Variants in TCF4 observed in about 807,000 individuals in gnomAD.
TCF4 encodes the protein transcription factor 4, also known as SL3-3 enhancer factor 2.
In TCF4, 3 loss-of-function variants were observed where a neutral mutation model predicts 82.1. That is an observed-to-expected ratio of 0.04 (90% CI 0.02 to 0.09). The LOEUF (loss-of-function observed/expected upper bound fraction) is 0.09, where lower values mean the gene tolerates loss of function less well. TCF4 is among the 10% of genes least tolerant of loss of function. The probability of loss-of-function intolerance (pLI) is 1.00; values close to 1 mark genes in which losing one functional copy is unlikely to be tolerated. For synonymous variants in TCF4, 276 were observed against 309.6 expected (o/e 0.89, Z 1.14); for missense variants, 518 against 852.7 (o/e 0.61, Z 4.89).
intron 2 of TCF4, among the ~76,000 whole-genome samples, chr18:55,627,281 A>G (rs2097727367): frequency 6.6e-6 from 1 of 152,146 alleles, no homozygotes; most frequent in African/African-American, 2.4e-5. Flanking sequence ...TGAGTGCTAG[A>G]TATTGTGTGG....
intron 5 of TCF4, among the ~76,000 whole-genome samples, chr18:55,412,203 TC>T (rs2094374433): frequency 1.3e-5 from 2 of 152,110 alleles, no homozygotes; most frequent in Admixed American, 1.3e-4. Flanking sequence ...CTACTAGCAC[TC>T]ACCTATTTAC....
In TCF4 at chr18:55,323,190, C is replaced by T. The variant is rs1288747390; in HGVS notation, c.549+27169G>A. ...GGGAGAGGAGATGGGCTGACTTGAGCTTGCCAAATTCAGAGCATCACAGGA... is the reference window on the plus strand; with the variant it reads ...GGGAGAGGAGATGGGCTGACTTGAGTTTGCCAAATTCAGAGCATCACAGGA... On this transcript the variant is annotated intron_variant, in intron 8 of 19. Coordinates refer to ENST00000354452, the MANE Select transcript of TCF4 (RefSeq NM_001083962.2). Among the ~76,000 whole-genome samples the T allele has an allele frequency of 2.0e-5, 3 of 152,202 alleles. No homozygotes were observed. In the East Asian group the frequency reaches 5.8e-4, roughly 29 times the overall value.
chr18:55,533,813 GTTC>G (rs890227508), intron 3 of TCF4, among the ~76,000 whole-genome samples: 5 of 152,060 alleles, frequency 3.3e-5, no homozygotes, highest in Non-Finnish European at 5.9e-5. Flanking sequence ...ATGTTTCTGT[GTTC>G]TTCTTCCCTG....
chr18:55,482,440 T>C (rs937454954), intron 3 of TCF4, among the ~76,000 whole-genome samples: 2 of 152,198 alleles, frequency 1.3e-5, no homozygotes, highest in Non-Finnish European at 2.9e-5. Context: ...CCACCAGGGA[T>C]GTAGTGATCC....
In TCF4 at chr18:55,275,149, G is replaced by A. The variant is rs138464538; in HGVS notation, c.789+470C>T. On this transcript the variant is annotated intron_variant, in intron 10 of 19. Coordinates refer to ENST00000354452, the MANE Select transcript of TCF4 (RefSeq NM_001083962.2). ...CAGAAAATACAAACTCCTTCTTTTG[G>A]ATACATCACAACAGGCCAAAGCTGA... Among the ~76,000 whole-genome samples, 10 of 151,966 alleles carry A rather than the reference G, an allele frequency of 6.6e-5. 1 individual carries two copies. Among genetic ancestry groups the A allele is most frequent in the African/African-American group, 1.4e-4 (6 of 41,476 alleles).
At chr18:55,333,329 T>A (rs1347974024) in intron 8 of TCF4, among the ~76,000 whole-genome samples, 3 of 152,084 alleles carry the variant, frequency 2.0e-5, no homozygotes, top group Non-Finnish European at 4.4e-5. Context: ...CTCCTTATAT[T>A]CCTTTCTTTC....
At chr18:55,460,506 C>T (rs2095851370) in intron 5 of TCF4, among the ~76,000 whole-genome samples, 1 of 152,170 alleles carries the variant, frequency 6.6e-6, no homozygotes. Flanking sequence ...CACTAAAGTT[C>T]ATGCCTTGAT....
intron 6 of TCF4, among the ~76,000 whole-genome samples, chr18:55,356,506 C>T (rs2083558167): frequency 1.3e-5 from 2 of 152,142 alleles, no homozygotes; most frequent in African/African-American, 4.8e-5. Context: ...CACGCATGAG[C>T]AAACTGCTAC....
chr18:55,535,704 C>T (rs2097108640), intron 3 of TCF4, among the ~76,000 whole-genome samples: 1 of 152,224 alleles, frequency 6.6e-6, no homozygotes, highest in East Asian at 1.9e-4. Flanking sequence ...AGAAATAAAA[C>T]ATGAAATGGA....
At chr18:55,511,330 T>TAAAAAAAAAAAAAAAAA (rs751932079) in intron 3 of TCF4, among the ~76,000 whole-genome samples, 1 of 73,072 alleles carries the variant, frequency 1.4e-5, no homozygotes, top group African/African-American at 3.6e-5. Flanking sequence ...TTCCAAAAGT[T>TAAAAAAAAAAAAAAAAA]TAAAAAAAAA....
chr18:55,483,910 C>A lies in TCF4; in HGVS notation c.146-19773G>T, dbSNP rs549399772. ...ATAATAACCAGAACCACCACACTAA[C>A]AATAAATATCCTAGAGCAGTTTACT... On this transcript the variant is annotated intron_variant, in intron 3 of 19. Coordinates refer to ENST00000354452, the MANE Select transcript of TCF4 (RefSeq NM_001083962.2). Among the ~76,000 whole-genome samples the A allele has an allele frequency of 3.9e-5, 6 of 152,334 alleles. No homozygotes were observed. In the East Asian group the frequency reaches 5.8e-4, roughly 15 times the overall value.
chr18:55,412,249 C>A (rs1222215303), intron 5 of TCF4, among the ~76,000 whole-genome samples: 1 of 151,984 alleles, frequency 6.6e-6, no homozygotes. Context: ...CTTGTTGATC[C>A]CCAAGGTCAT....
intron 14 of TCF4, among the ~76,000 whole-genome samples, chr18:55,256,881 G>T (rs936409418): frequency 1.3e-5 from 2 of 152,122 alleles, no homozygotes; most frequent in African/African-American, 4.8e-5. Flanking sequence ...TACCACGAAG[G>T]ATACCACTGG....
chr18:55,350,795 G>A (rs1011474772), intron 7 of TCF4, 79 bp downstream of exon 7: 7 of 1,589,786 alleles, frequency 4.4e-6, no homozygotes, highest in South Asian at 1.1e-5. Context: ...AGGATGGGGG[G>A]GCGATATTTT....
chr18:55,518,287 A>G (rs907872630), intron 3 of TCF4, among the ~76,000 whole-genome samples: 20 of 152,204 alleles, frequency 1.3e-4, no homozygotes, highest in African/African-American at 4.8e-4. Context: ...AGTAGAGCAA[A>G]TTTAGTTCTA....
intron 6 of TCF4, among the ~76,000 whole-genome samples, chr18:55,399,925 C>CACACACA (rs1379193667): frequency 6.3e-5 from 8 of 126,674 alleles, no homozygotes; most frequent in African/African-American, 2.5e-4. Flanking sequence ...CACACACACA[C>CACACACA]AATACTAAAA....
chr18:55,354,535 A>G (rs757658632), intron 6 of TCF4, among the ~76,000 whole-genome samples: 2 of 152,202 alleles, frequency 1.3e-5, no homozygotes, highest in Non-Finnish European at 2.9e-5. Context: ...TATATCTCAA[A>G]TTAGATTTAT....
At chr18:55,403,763 A>G in intron 5 of TCF4, 1 of 1,533,876 alleles carries the variant, frequency 6.5e-7, no homozygotes. Flanking sequence ...TGTCATTCCA[A>G]TGGCCTCCAC....
At chr18:55,287,810 TC>T (rs2064042052) in intron 8 of TCF4, among the ~76,000 whole-genome samples, 1 of 152,204 alleles carries the variant, frequency 6.6e-6, no homozygotes, top group Non-Finnish European at 1.5e-5. Flanking sequence ...TGTTCTTTCT[TC>T]CCTTCATCAA....
Sources: allele counts gnomAD v4.1 joint callset (sites outside exome capture counted in the v4.1 genomes callset), GRCh38; gene constraint gnomAD v4.1.1; transcripts MANE v1.5; gene names NCBI Gene and HGNC (gene_info 2026-07-23, HGNC 2026-07-21).